The following HRH1 variants were observed in gnomAD, a reference collection of about 807,000 sequenced individuals.
HRH1 encodes the protein histamine H1 receptor.
A neutral mutation model predicts 10.3 loss-of-function variants in HRH1; 6 were observed. The observed-to-expected ratio is 0.58, with a 90% confidence interval of 0.32 to 1.15. The LOEUF is 1.15. Among genes scored for constraint, HRH1 ranks in the 50% most tolerant of loss-of-function variants. The pLI is 0.05. For synonymous variants in HRH1, 242 were observed against 236.7 expected, an observed-to-expected ratio of 1.02 and a Z score of -0.21; for missense variants, 514 against 615.3, an observed-to-expected ratio of 0.84 and a Z score of 1.74.
intron 1 of HRH1, among the ~76,000 whole-genome samples, chr3:11,142,451 C>A (rs1442063545): frequency 1.3e-5 from 2 of 152,180 alleles, no homozygotes; most frequent in African/African-American, 4.8e-5. Context: ...AAGACAGAAA[C>A]CCTGTGTTTG....
intron 1 of HRH1, among the ~76,000 whole-genome samples, chr3:11,224,892 T>C (rs1248390902): frequency 6.6e-6 from 1 of 152,136 alleles, no homozygotes; most frequent in East Asian, 1.9e-4. Context: ...ACAGGTCCAA[T>C]TCTTATCCTC....
chr3:11,195,834 C>G (rs896073233), intron 1 of HRH1, among the ~76,000 whole-genome samples: 3 of 152,222 alleles, frequency 2.0e-5, no homozygotes, highest in Non-Finnish European at 2.9e-5. Context: ...GTCCCCACCC[C>G]AAACACGCTG....
intron 1 of HRH1, among the ~76,000 whole-genome samples, chr3:11,194,816 A>C (rs1045459373): frequency 1.9e-4 from 29 of 152,240 alleles, no homozygotes; most frequent in African/African-American, 7.0e-4. Flanking sequence ...CTCTGTCTCA[A>C]AAAATAAATA....
chr3:11,206,822 C>T (rs1187056649), intron 1 of HRH1, among the ~76,000 whole-genome samples: 2 of 152,206 alleles, frequency 1.3e-5, no homozygotes, highest in Non-Finnish European at 2.9e-5. Context: ...ATGCAGAGAC[C>T]ACCGTCTGCA....
chr3:11,252,224 C>A lies in HRH1; in HGVS notation c.-35-6779C>A, dbSNP rs189873764. Among the ~76,000 whole-genome samples, 157 of 152,266 alleles carry A rather than the reference C, an allele frequency of 1.0e-3. 1 individual carries two copies. The highest frequency in any genetic ancestry group is 1.9e-3 in the Non-Finnish European group (130 of 68,026). ...GTATCTGACTAATCCTCCTTCAATC[C>A]ATTCAAGCCCAATTTTCCATTTGCC... On this transcript the variant is annotated intron_variant, in intron 1 of 1. Coordinates refer to ENST00000431010, the MANE Select transcript of HRH1 (RefSeq NM_001098212.2).
intron 1 of HRH1, among the ~76,000 whole-genome samples, chr3:11,229,940 A>T (rs1011579236): frequency 6.6e-6 from 1 of 152,206 alleles, no homozygotes; most frequent in Non-Finnish European, 1.5e-5. Context: ...AAAAATGTGG[A>T]TTTAGAAAGA....
At chr3:11,213,390 A>G (rs536081792) in intron 1 of HRH1, among the ~76,000 whole-genome samples, 1 of 152,324 alleles carries the variant, frequency 6.6e-6, no homozygotes, top group South Asian at 2.1e-4. Context: ...TAAAATGGAC[A>G]TGGCTATAGA....
rs1939877777 is a variant in HRH1 at position 11,259,463 on chromosome 3, C to A, written c.426C>A (p.Thr142=). 11 of 1,613,988 alleles carry A rather than the reference C, an allele frequency of 6.8e-6. No individual in the cohort carries two copies. Among genetic ancestry groups the A allele is most frequent in the Non-Finnish European group, 9.3e-6 (11 of 1,179,982 alleles). ...GGTACCTTAAGTATCGTACCAAGAC[C>A]CGAGCCTCGGCCACCATTCTGGGGG... ...PLRYLKYRTK[T]RASATILGAW... is the part of the protein sequence containing the mutation. Residue 142 remains threonine (T), a synonymous_variant, in exon 2 of 2, where the codon ACC becomes ACA. Transcript: ENST00000431010. The surrounding 1 kb of genome is among the most constrained non-coding windows in gnomAD (Gnocchi z 4.6).
rs200560751 is a variant in HRH1 at position 11,262,917 on chromosome 3, T to C, written c.*2416T>C. On this transcript the variant is annotated 3_prime_UTR_variant, in exon 2 of 2. Transcript: ENST00000431010. Reference sequence around the variant, plus strand: ...TTTAAAACATGCTGAGCACATACCATGTGCCAGGCTTTGTGTTTTATCTAA... The same window carrying C: ...TTTAAAACATGCTGAGCACATACCACGTGCCAGGCTTTGTGTTTTATCTAA... 18 of 167,094 alleles carry C rather than the reference T, an allele frequency of 1.1e-4. No homozygotes were observed. Among genetic ancestry groups the C allele is most frequent in the African/African-American group, 4.3e-4 (18 of 41,460 alleles). The allele number at this position is 167,094 out of a possible 1,614,324, so 10.4% of individuals were successfully genotyped here. A position where few individuals can be genotyped will look rare whatever the true frequency, so the allele number is the denominator to read the frequency against.
At chr3:11,143,005 G>A (rs1388461561) in intron 1 of HRH1, among the ~76,000 whole-genome samples, 3 of 152,138 alleles carry the variant, frequency 2.0e-5, no homozygotes, top group African/African-American at 4.8e-5. Context: ...GAGTGCAAAG[G>A]CCCCAAGACA....
intron 1 of HRH1, among the ~76,000 whole-genome samples, chr3:11,197,596 A>T (rs1009025358): frequency 6.6e-6 from 1 of 152,226 alleles, no homozygotes; most frequent in African/African-American, 2.4e-5. Flanking sequence ...AATGAATTCA[A>T]TAAAAAGTAG....
chr3:11,175,336 T>C (rs571400940), intron 1 of HRH1, among the ~76,000 whole-genome samples: 29 of 152,300 alleles, frequency 1.9e-4, no homozygotes, highest in African/African-American at 6.7e-4. Flanking sequence ...GGGTTTCAAA[T>C]TTAGGTCTTT....
At chr3:11,258,749 G>T (rs1477769121) in intron 1 of HRH1, among the ~76,000 whole-genome samples, 2 of 152,046 alleles carry the variant, frequency 1.3e-5, no homozygotes, top group Non-Finnish European at 2.9e-5. Flanking sequence ...CATTCCATAG[G>T]GGCAAACATT....
At chr3:11,158,424 A>G (rs6796787) in intron 1 of HRH1, among the ~76,000 whole-genome samples, 30,579 of 152,146 alleles carry the variant, frequency 0.2, 3,693 homozygotes, top group African/African-American at 0.33. Context: ...TTGGTGAAAT[A>G]AGTTACAGAG....
chr3:11,175,496 C>T (rs957971341), intron 1 of HRH1, among the ~76,000 whole-genome samples: 8 of 152,158 alleles, frequency 5.3e-5, no homozygotes, highest in Non-Finnish European at 8.8e-5. Context: ...TTGCAAAGCC[C>T]TCTTCAGCAC....
At chr3:11,179,629 AAAAG>A (rs1307668564) in intron 1 of HRH1, among the ~76,000 whole-genome samples, 8 of 151,754 alleles carry the variant, frequency 5.3e-5, no homozygotes, top group Non-Finnish European at 7.4e-5. Context: ...CAAAAAAAAA[AAAAG>A]AAAGAAAGAA....
In HRH1 at chr3:11,260,521, C is replaced by T; in HGVS notation, c.*20C>T. On this transcript the variant is annotated 3_prime_UTR_variant, in exon 2 of 2. Coordinates refer to ENST00000431010, the MANE Select transcript of HRH1 (RefSeq NM_001098212.2). ...TCCTAAGGGAGGCTCTGAGGGGATG[C>T]AACAAAATGATCCTTATGATGTCCA... 6.5e-7 allele frequency: 1 copy of T among 1,550,166 alleles called. No individual in the cohort carries two copies. The highest frequency in any genetic ancestry group is 8.7e-7 in the Non-Finnish European group (1 of 1,147,746).
intron 1 of HRH1, among the ~76,000 whole-genome samples, chr3:11,221,319 G>C (rs1199881910): frequency 1.3e-5 from 2 of 152,072 alleles, no homozygotes; most frequent in Non-Finnish European, 2.9e-5. Context: ...TTGGGAGGCC[G>C]AGGTGGGTGG....
intron 1 of HRH1, among the ~76,000 whole-genome samples, chr3:11,169,865 A>G (rs1282196713): frequency 1.3e-5 from 2 of 152,100 alleles, no homozygotes; most frequent in Admixed American, 6.5e-5. Context: ...GTGTCCTTCA[A>G]TAACTAGATC....
Sources: gnomAD v4.1 joint callset for allele counts (sites outside exome capture counted in the v4.1 genomes callset) on GRCh38, gnomAD v4.1.1 for gene constraint, Gnocchi (gnomAD v3.1) non-coding constraint, MANE v1.5 for transcripts, NCBI Gene and HGNC (gene_info 2026-07-23, HGNC 2026-07-21) for gene names.